Variants in SDK1 observed in about 807,000 individuals in gnomAD.
SDK1 encodes protein sidekick-1.
SDK1 carries 157 observed loss-of-function variants against 245.5 expected under a neutral mutation model. The ratio of observed to expected loss-of-function variants is 0.64; its 90% CI spans 0.56 to 0.73. The LOEUF is 0.73. Ranked by LOEUF, SDK1 falls within the 30% of genes least tolerant of loss-of-function variation. SDK1 has a pLI of 0.00. For synonymous variants in SDK1, 1,647 were observed against 1,278.5 expected (o/e 1.29, Z -6.15); for missense variants, 3,583 against 3,002.3 (o/e 1.19, Z -4.52).
At chr7:3,693,808 C>T (rs1252914811) in intron 4 of SDK1, among the ~76,000 whole-genome samples, 1 of 152,092 alleles carries the variant, frequency 6.6e-6, no homozygotes, top group Non-Finnish European at 1.5e-5. Context: ...CTAATCTCTG[C>T]TATCCCCTAG....
chr7:3,505,737 A>G (rs993359405), intron 1 of SDK1, among the ~76,000 whole-genome samples: 1 of 152,162 alleles, frequency 6.6e-6, no homozygotes, highest in Non-Finnish European at 1.5e-5. Context: ...TCAAAAATAC[A>G]GTATTCCTGG....
chr7:4,243,587 G>T lies in SDK1; in HGVS notation c.6251+1674G>T, dbSNP rs980506526. On this transcript the variant is annotated intron_variant, in intron 43 of 44. Coordinates refer to ENST00000404826, the MANE Select transcript of SDK1 (RefSeq NM_152744.4). ...GTGGTGGCAGGCAAAGAGAGAGTTT[G>T]TGTAGGGAAACTCCCCTTTATAAAA... Among the ~76,000 whole-genome samples, 7 of 152,198 alleles carry T rather than the reference G, an allele frequency of 4.6e-5. No homozygotes were observed. The South Asian group carries it at 1.5e-3, about 32-fold the overall frequency.
intron 1 of SDK1, among the ~76,000 whole-genome samples, chr7:3,401,277 G>A (rs192864137): frequency 7.9e-5 from 12 of 152,166 alleles, no homozygotes; most frequent in Non-Finnish European, 1.8e-4. Context: ...AAGATGAGTT[G>A]AGCATAATAT....
intron 4 of SDK1, among the ~76,000 whole-genome samples, chr7:3,693,386 C>T (rs1306988770): frequency 6.6e-6 from 1 of 152,092 alleles, no homozygotes; most frequent in African/African-American, 2.4e-5. Flanking sequence ...TTCAAAATCA[C>T]AATGGACAGT....
Position 3,665,477 on chromosome 7 carries a change from C to G in SDK1, c.713+23372C>G, listed in dbSNP as rs180819154. ...AGGGATTGATTTTTGTTCACCTTTGCATCTCTTGTATACAACACACCATAG... is the reference window on the plus strand; with the variant it reads ...AGGGATTGATTTTTGTTCACCTTTGGATCTCTTGTATACAACACACCATAG... On this transcript the variant is annotated intron_variant, in intron 4 of 44. Coordinates refer to ENST00000404826, the MANE Select transcript of SDK1 (RefSeq NM_152744.4). Among the ~76,000 whole-genome samples the G allele has an allele frequency of 7.2e-5, 11 of 152,312 alleles. No homozygotes were observed. In the East Asian group the frequency reaches 1.9e-3, roughly 27 times the overall value.
intron 4 of SDK1, among the ~76,000 whole-genome samples, chr7:3,758,952 A>T (rs933499589): frequency 6.6e-6 from 1 of 152,174 alleles, no homozygotes; most frequent in Non-Finnish European, 1.5e-5. Context: ...ATCCAGTACC[A>T]TGGGGTTCAT....
rs112406867 is a variant in SDK1 at position 3,378,487 on chromosome 7, G to A, written c.298+76603G>A. 5.9e-5 allele frequency among the ~76,000 whole-genome samples: 9 copies of A among 152,228 alleles called. 2 individuals carry two copies. Among genetic ancestry groups the A allele is most frequent in the African/African-American group, 2.2e-4 (9 of 41,528 alleles). On this transcript the variant is annotated intron_variant, in intron 1 of 44. Transcript: ENST00000404826. Reference sequence around the variant, plus strand: ...TTCTTCTGCTTACTGTATCAGCCATGTACCCAGGGGTCAGGAGTGTACACA... The same window carrying A: ...TTCTTCTGCTTACTGTATCAGCCATATACCCAGGGGTCAGGAGTGTACACA...
At chr7:3,975,022 T>C (rs894729689) in intron 13 of SDK1, among the ~76,000 whole-genome samples, 18 of 152,038 alleles carry the variant, frequency 1.2e-4, no homozygotes, top group African/African-American at 4.4e-4. Flanking sequence ...TACTTTAAGT[T>C]AAGTCTTGTG....
chr7:3,954,749 A>G (rs974579689), intron 7 of SDK1, among the ~76,000 whole-genome samples: 6 of 150,038 alleles, frequency 4.0e-5, no homozygotes, highest in Non-Finnish European at 8.9e-5. Context: ...ATGGAGATGG[A>G]TGTAGATGGT....
intron 5 of SDK1, among the ~76,000 whole-genome samples, chr7:3,890,105 A>G (rs1270624639): frequency 6.6e-6 from 1 of 152,202 alleles, no homozygotes. Flanking sequence ...TGGATTTCAG[A>G]CATGGCCCTA....
chr7:3,710,728 C>A (rs1462489338), intron 4 of SDK1, among the ~76,000 whole-genome samples: 1 of 152,324 alleles, frequency 6.6e-6, no homozygotes, highest in African/African-American at 2.4e-5. Context: ...GATTGGGAAA[C>A]CAGCAGAGAG....
chr7:3,756,031 G>A (rs1779918110), intron 4 of SDK1, among the ~76,000 whole-genome samples: 3 of 150,688 alleles, frequency 2.0e-5, no homozygotes, highest in Non-Finnish European at 2.9e-5. Context: ...ACATGGCATA[G>A]CACATGTGAC....
chr7:3,313,223 A>G (rs60035632), intron 1 of SDK1, among the ~76,000 whole-genome samples: 2,344 of 152,290 alleles, frequency 0.015, 70 homozygotes, highest in African/African-American at 0.053. Flanking sequence ...CCTGACCAAC[A>G]TGGTGAAATG....
chr7:3,698,418 C>G (rs1784637346), intron 4 of SDK1, among the ~76,000 whole-genome samples: 2 of 152,262 alleles, frequency 1.3e-5, no homozygotes, highest in South Asian at 4.2e-4. Context: ...CAGGGTGTCC[C>G]TTGTCCTCCC....
At chr7:4,183,169 G>C (rs1782692606) in intron 35 of SDK1, among the ~76,000 whole-genome samples, 1 of 152,162 alleles carries the variant, frequency 6.6e-6, no homozygotes, top group South Asian at 2.1e-4. Flanking sequence ...CGTGAGTCGT[G>C]AGTCATGAGT....
At chr7:3,992,194 G>A (rs1020839123) in intron 14 of SDK1, among the ~76,000 whole-genome samples, 2 of 152,208 alleles carry the variant, frequency 1.3e-5, no homozygotes, top group African/African-American at 4.8e-5. Flanking sequence ...CTGCCCTGAC[G>A]ACATTCCTGC....
chr7:3,669,150 C>T (rs1046272692), intron 4 of SDK1, among the ~76,000 whole-genome samples: 1 of 152,048 alleles, frequency 6.6e-6, no homozygotes, highest in Non-Finnish European at 1.5e-5. Flanking sequence ...GGTGGTAAAA[C>T]ATATTGGTTA....
At chr7:3,477,238 C>T (rs1184297108) in intron 1 of SDK1, among the ~76,000 whole-genome samples, 2 of 120,176 alleles carry the variant, frequency 1.7e-5, no homozygotes, top group African/African-American at 3.2e-5. Context: ...CTCTGTCGCT[C>T]AGGCTGGAGT....
At chr7:3,950,779 C>A in intron 5 of SDK1, 144 bp from the exon 6 acceptor site, 1 of 624,108 alleles carries the variant, frequency 1.6e-6, no homozygotes, top group Non-Finnish European at 2.9e-6. Flanking sequence ...CATCATACAT[C>A]AGGGACAATT....
Sources: gnomAD v4.1 joint callset for allele counts (sites outside exome capture counted in the v4.1 genomes callset) on GRCh38, gnomAD v4.1.1 for gene constraint, MANE v1.5 for transcripts, NCBI Gene and HGNC (gene_info 2026-07-23, HGNC 2026-07-21) for gene names.